Variants in EPB41L4A observed in about 807,000 individuals in gnomAD.
EPB41L4A encodes the protein erythrocyte membrane protein band 4.1 like 4A, also known as band 4.1-like protein 4A.
EPB41L4A carries 100 observed loss-of-function variants against 108.6 expected under a neutral mutation model. The ratio of observed to expected loss-of-function variants is 0.92; its 90% CI spans 0.78 to 1.09. The LOEUF (loss-of-function observed/expected upper bound fraction) is 1.09, where lower values mean the gene tolerates loss of function less well. Ranked by LOEUF, EPB41L4A falls within the 50% of genes least tolerant of loss-of-function variation. The pLI, the probability that EPB41L4A is intolerant of heterozygous loss-of-function variation, is 0.00. For missense variants in EPB41L4A, 1,030 were observed against 842.7 expected (o/e 1.22, Z -2.75); for synonymous variants, 319 against 289.0 (o/e 1.10, Z -1.05).
intron 1 of EPB41L4A, among the ~76,000 whole-genome samples, chr5:112,317,365 T>C (rs1378853081): frequency 1.3e-5 from 2 of 152,206 alleles, no homozygotes; most frequent in South Asian, 2.1e-4. Context: ...TCATTTTTTA[T>C]TCCTGCTTTA....
At chr5:112,206,573 G>A (rs571061083) in intron 13 of EPB41L4A, among the ~76,000 whole-genome samples, 30 of 152,060 alleles carry the variant, frequency 2.0e-4, no homozygotes, top group African/African-American at 7.2e-4. Flanking sequence ...TAACAAATAT[G>A]GCAGATATTT....
downstream of EPB41L4A, among the ~76,000 whole-genome samples, chr5:112,159,869 T>C (rs1759786435): frequency 6.6e-6 from 1 of 152,116 alleles, no homozygotes; most frequent in African/African-American, 2.4e-5. Flanking sequence ...TGTTGGGTTA[T>C]TATTAAAATT....
chr5:112,234,090 G>C (rs943355949), intron 12 of EPB41L4A, among the ~76,000 whole-genome samples: 2 of 151,678 alleles, frequency 1.3e-5, no homozygotes, highest in South Asian at 2.1e-4. Context: ...AGGCTGAAGA[G>C]AGATGATCAC....
intron 9 of EPB41L4A, among the ~76,000 whole-genome samples, chr5:112,257,743 G>C (rs556425500): frequency 6.6e-6 from 1 of 152,140 alleles, no homozygotes; most frequent in Non-Finnish European, 1.5e-5. Flanking sequence ...GCTTCCATAA[G>C]TCTTTTGATT....
At position 112,416,113 on chromosome 5, in the gene EPB41L4A, G is replaced by C. The variant is rs191620249; in HGVS notation, c.99+2828C>G. ...TTCAGGCTGAAACACTTTTCATGAT[G>C]ACACATTAATTTTTTTTCTAACATC... On this transcript the variant is annotated intron_variant, in intron 1 of 22. Coordinates refer to ENST00000261486, the MANE Select transcript of EPB41L4A (RefSeq NM_022140.5). 3.9e-3 allele frequency among the ~76,000 whole-genome samples: 591 copies of C among 151,710 alleles called. 2 individuals carry two copies. The highest frequency in any genetic ancestry group is 0.017 in the Middle Eastern group (5 of 294).
At chr5:112,263,248 G>A (rs150974517) in intron 6 of EPB41L4A, among the ~76,000 whole-genome samples, 1 of 152,320 alleles carries the variant, frequency 6.6e-6, no homozygotes, top group Non-Finnish European at 1.5e-5. Flanking sequence ...GAGTGTGTGT[G>A]AGTGTGTGAG....
intron 18 of EPB41L4A, among the ~76,000 whole-genome samples, chr5:112,179,918 C>T (rs1458898020): frequency 6.6e-6 from 1 of 152,052 alleles, no homozygotes; most frequent in African/African-American, 2.4e-5. Context: ...TAAGAAACTG[C>T]CCCCAACCAA....
At chr5:112,197,346 G>A (rs1029508964) in intron 15 of EPB41L4A, among the ~76,000 whole-genome samples, 2 of 151,874 alleles carry the variant, frequency 1.3e-5, no homozygotes, top group Non-Finnish European at 1.5e-5. Flanking sequence ...TCTCTTTAAC[G>A]TATGGCTTAC....
intron 12 of EPB41L4A, among the ~76,000 whole-genome samples, chr5:112,213,920 T>C (rs1245425512): frequency 6.6e-6 from 1 of 152,234 alleles, no homozygotes; most frequent in Non-Finnish European, 1.5e-5. Flanking sequence ...TTCAGAATAA[T>C]ATATTTTAAC....
intron 15 of EPB41L4A, 111 bp from the exon 16 acceptor site, chr5:112,195,819 T>C: frequency 1.1e-6 from 1 of 924,006 alleles, no homozygotes; most frequent in South Asian, 1.5e-5. Flanking sequence ...ATACATTCAT[T>C]CATTTGCCAA....
intron 13 of EPB41L4A, among the ~76,000 whole-genome samples, chr5:112,207,557 G>C (rs765408725): frequency 5.3e-5 from 8 of 152,018 alleles, no homozygotes; most frequent in Non-Finnish European, 8.8e-5. Context: ...AATCTATAAG[G>C]AACTTCAACA....
In EPB41L4A at chr5:112,221,639, G is replaced by T. The variant is rs554679989; in HGVS notation, c.1088-11657C>A. Reference sequence around the variant, plus strand: ...ATTTGTATATGACTTAGTTCCTACAGATTAGGGGCCAAGCTTTATTCCATT... The same window carrying T: ...ATTTGTATATGACTTAGTTCCTACATATTAGGGGCCAAGCTTTATTCCATT... On this transcript the variant is annotated intron_variant, in intron 12 of 22. Transcript: ENST00000261486. 3.3e-5 allele frequency among the ~76,000 whole-genome samples: 5 copies of T among 152,268 alleles called. No individual in the cohort carries two copies. In the South Asian group the frequency reaches 1.0e-3, roughly 32 times the overall value.
At chr5:112,375,342 C>CAT (rs1442437169) in intron 1 of EPB41L4A, among the ~76,000 whole-genome samples, 1 of 150,722 alleles carries the variant, frequency 6.6e-6, no homozygotes, top group African/African-American at 2.5e-5. Flanking sequence ...CACATACACA[C>CAT]ACACACACAC....
At position 112,286,160 on chromosome 5, in the gene EPB41L4A, C is replaced by T. The variant is rs545831378; in HGVS notation, c.205-5837G>A. ...ACCTTTTCATTGTCCCTCGCTGATG[C>T]CCCCAACCAATGTCATTTCCCTCAC... On this transcript the variant is annotated intron_variant, in intron 2 of 22. Coordinates refer to ENST00000261486, the MANE Select transcript of EPB41L4A (RefSeq NM_022140.5). 4.1e-4 allele frequency among the ~76,000 whole-genome samples: 63 copies of T among 152,102 alleles called. 1 individual carries two copies. The highest frequency in any genetic ancestry group is 1.5e-3 in the African/African-American group (61 of 41,508).
At chr5:112,396,361 G>C (rs1292781263) in intron 1 of EPB41L4A, among the ~76,000 whole-genome samples, 1 of 152,186 alleles carries the variant, frequency 6.6e-6, no homozygotes. Context: ...TTTAGACTAT[G>C]TCATATTGAG....
intron 9 of EPB41L4A, among the ~76,000 whole-genome samples, chr5:112,241,400 T>C (rs977696250): frequency 9.9e-5 from 15 of 152,202 alleles, no homozygotes; most frequent in Admixed American, 9.8e-4. Flanking sequence ...ATAATAGGTG[T>C]ATAATACATG....
intron 2 of EPB41L4A, among the ~76,000 whole-genome samples, chr5:112,285,358 A>G (rs1753219721): frequency 6.6e-6 from 1 of 152,144 alleles, no homozygotes; most frequent in Non-Finnish European, 1.5e-5. Flanking sequence ...ATAACAGGTC[A>G]CTCCTGGGGA....
chr5:112,200,708 G>C lies in EPB41L4A; in HGVS notation c.1376+3667C>G, dbSNP rs565424631. ...AGAATAGGAACGTTTAAACAAGCAG[G>C]CTTCAGGGTCTCCATAAATTTTGAA... On this transcript the variant is annotated intron_variant, in intron 15 of 22. Transcript: ENST00000261486. Among the ~76,000 whole-genome samples, 3 of 152,288 alleles carry C rather than the reference G, an allele frequency of 2.0e-5. No homozygotes were observed. The South Asian group carries it at 6.2e-4, about 32-fold the overall frequency.
intron 12 of EPB41L4A, among the ~76,000 whole-genome samples, chr5:112,154,935 A>G (rs1759598485): frequency 6.6e-6 from 1 of 152,214 alleles, no homozygotes; most frequent in African/African-American, 2.4e-5. Context: ...CAACTTCCTA[A>G]CAACAAATTT....
Sources: allele counts gnomAD v4.1 joint callset (sites outside exome capture counted in the v4.1 genomes callset), GRCh38; gene constraint gnomAD v4.1.1; transcripts MANE v1.5; gene names NCBI Gene and HGNC (gene_info 2026-07-23, HGNC 2026-07-21).